SORCS2: variants seen among roughly 807,000 people sequenced by gnomAD.
The protein encoded by SORCS2 is sortilin related VPS10 domain containing receptor 2.
A neutral mutation model predicts 141.6 loss-of-function variants in SORCS2; 100 were observed. That is an observed-to-expected ratio of 0.71 (90% CI 0.60 to 0.83). SORCS2 has a LOEUF of 0.83. Among genes scored for constraint, SORCS2 ranks in the 40% least tolerant of loss-of-function variants. The pLI is 0.00. For missense variants in SORCS2, 1,646 were observed against 1,560.2 expected (o/e 1.05, Z -0.93); for synonymous variants, 789 against 676.9 (o/e 1.17, Z -2.57).
Position 7,477,103 on chromosome 4 carries a change from G to A in SORCS2, c.549-54427G>A, listed in dbSNP as rs140126300. Among the ~76,000 whole-genome samples, 209 of 152,350 alleles carry A rather than the reference G, an allele frequency of 1.4e-3. 2 individuals carry two copies. Among genetic ancestry groups the A allele is most frequent in the African/African-American group, 4.9e-3 (202 of 41,590 alleles). ...CTCAGTGGAGGAGAAACAGCCCACAGGGTTCCACCTGGGCCGTGGGGAGGG... is the reference window on the plus strand; with the variant it reads ...CTCAGTGGAGGAGAAACAGCCCACAAGGTTCCACCTGGGCCGTGGGGAGGG... On this transcript the variant is annotated intron_variant, in intron 2 of 26. Coordinates refer to ENST00000507866, the MANE Select transcript of SORCS2 (RefSeq NM_020777.3).
chr4:7,312,312 A>T (rs1718236750), intron 1 of SORCS2, among the ~76,000 whole-genome samples: 1 of 152,186 alleles, frequency 6.6e-6, no homozygotes, highest in Admixed American at 6.6e-5. Flanking sequence ...TCAAGCACCG[A>T]TCAACCCTCA....
At chr4:7,312,494 C>CG (rs907079673) in intron 1 of SORCS2, among the ~76,000 whole-genome samples, 7 of 152,088 alleles carry the variant, frequency 4.6e-5, no homozygotes, top group Admixed American at 6.5e-5. Flanking sequence ...CCTGGCTCCC[C>CG]CTTCTCTAGT....
chr4:7,591,572 C>T (rs1716915566), intron 3 of SORCS2, among the ~76,000 whole-genome samples: 2 of 152,202 alleles, frequency 1.3e-5, no homozygotes, highest in Non-Finnish European at 2.9e-5. Context: ...CGGGTGGTCA[C>T]GGGGTCAGCC....
At chr4:7,568,475 T>A (rs1327189200) in intron 3 of SORCS2, among the ~76,000 whole-genome samples, 4 of 152,222 alleles carry the variant, frequency 2.6e-5, no homozygotes, top group Non-Finnish European at 5.9e-5. Context: ...CTACATACTC[T>A]CTCCAGACCT....
intron 2 of SORCS2, among the ~76,000 whole-genome samples, chr4:7,475,228 G>A (rs1350174961): frequency 3.9e-5 from 6 of 152,182 alleles, no homozygotes; most frequent in Non-Finnish European, 5.9e-5. Flanking sequence ...TTGGCAGGTG[G>A]AAAGTCCCAG....
rs192714534 is a variant in SORCS2 at position 7,570,009 on chromosome 4, C to T, written c.648+38380C>T. On this transcript the variant is annotated intron_variant, in intron 3 of 26. Transcript: ENST00000507866. Reference sequence around the variant, plus strand: ...AGCTCTCCTGGGCAGGGGACGAGGGCTCCCAGCGTTTTCAAGGGGAGGAGA... The same window carrying T: ...AGCTCTCCTGGGCAGGGGACGAGGGTTCCCAGCGTTTTCAAGGGGAGGAGA... Among the ~76,000 whole-genome samples, 6 of 152,280 alleles carry T rather than the reference C, an allele frequency of 3.9e-5. No individual in the cohort carries two copies. In the East Asian group the frequency reaches 7.7e-4, roughly 20 times the overall value.
chr4:7,228,375 C>A (rs1711568403), intron 1 of SORCS2, among the ~76,000 whole-genome samples: 1 of 152,126 alleles, frequency 6.6e-6, no homozygotes, highest in Admixed American at 6.5e-5. Flanking sequence ...GGACACAGTT[C>A]AACATGTAAC....
intron 3 of SORCS2, among the ~76,000 whole-genome samples, chr4:7,574,612 G>T (rs764908859): frequency 6.6e-6 from 1 of 151,966 alleles, no homozygotes; most frequent in East Asian, 1.9e-4. Context: ...AGGCAAGGAG[G>T]GAGGAAGGAA....
intron 3 of SORCS2, among the ~76,000 whole-genome samples, chr4:7,603,207 A>C (rs1717854438): frequency 1.3e-5 from 2 of 152,172 alleles, no homozygotes; most frequent in Admixed American, 6.5e-5. Flanking sequence ...GGAGAGGGAG[A>C]GCTAAACGTC....
intron 1 of SORCS2, among the ~76,000 whole-genome samples, chr4:7,267,709 T>C (rs1714844134): frequency 6.6e-6 from 1 of 152,236 alleles, no homozygotes; most frequent in African/African-American, 2.4e-5. Flanking sequence ...CAGGTGCCTG[T>C]AATCCCAGCT....
At chr4:7,724,046 C>T (rs978989205) in intron 19 of SORCS2, among the ~76,000 whole-genome samples, 163 bp downstream of exon 19, 6 of 152,118 alleles carry the variant, frequency 3.9e-5, no homozygotes, top group African/African-American at 1.4e-4. Context: ...CAAACCCGCA[C>T]CCCTGATGAC....
At chr4:7,563,018 C>T (rs1232649278) in intron 3 of SORCS2, among the ~76,000 whole-genome samples, 1 of 152,150 alleles carries the variant, frequency 6.6e-6, no homozygotes, top group Non-Finnish European at 1.5e-5. Flanking sequence ...TGTGGAGCAC[C>T]ATTTAACCCA....
At chr4:7,656,942 G>T (rs1246772630) in intron 5 of SORCS2, among the ~76,000 whole-genome samples, 1 of 152,346 alleles carries the variant, frequency 6.6e-6, no homozygotes, top group South Asian at 2.1e-4. Flanking sequence ...AGGGCCGCCT[G>T]CCCCCGGCCA....
chr4:7,719,666 CG>C (rs144744381), intron 18 of SORCS2, among the ~76,000 whole-genome samples: 1,918 of 152,328 alleles, frequency 0.013, 41 homozygotes, highest in African/African-American at 0.043. Context: ...GCCGCTGCCC[CG>C]CCTGTCCCGC....
At chr4:7,626,843 G>T (rs1262949084) in intron 3 of SORCS2, among the ~76,000 whole-genome samples, 1 of 152,108 alleles carries the variant, frequency 6.6e-6, no homozygotes, top group Non-Finnish European at 1.5e-5. Flanking sequence ...ACAGTCCCTG[G>T]TGCTCAGTGC....
At chr4:7,276,235 A>T (rs11936758) in intron 1 of SORCS2, among the ~76,000 whole-genome samples, 59,079 of 151,850 alleles carry the variant, frequency 0.39, 11,742 homozygotes, top group East Asian at 0.52. Context: ...GATCATCCTC[A>T]GGGTGCTGCT....
At chr4:7,457,736 C>G (rs1024233034) in intron 2 of SORCS2, among the ~76,000 whole-genome samples, 2 of 152,252 alleles carry the variant, frequency 1.3e-5, no homozygotes, top group Admixed American at 6.5e-5. Context: ...CTGGTTCACA[C>G]CAGGAACAGC....
chr4:7,251,179 A>C (rs1713486095), intron 1 of SORCS2, among the ~76,000 whole-genome samples: 1 of 152,288 alleles, frequency 6.6e-6, no homozygotes, highest in Non-Finnish European at 1.5e-5. Context: ...TGCATCATGG[A>C]AAGTTTCAAG....
At chr4:7,297,120 T>C (rs896941300) in intron 1 of SORCS2, among the ~76,000 whole-genome samples, 9 of 152,088 alleles carry the variant, frequency 5.9e-5, no homozygotes, top group Non-Finnish European at 1.3e-4. Context: ...TGGATGCCCA[T>C]GGGTTCCCTC....
Sources: gnomAD v4.1 joint callset for allele counts (sites outside exome capture counted in the v4.1 genomes callset) on GRCh38, gnomAD v4.1.1 for gene constraint, MANE v1.5 for transcripts, NCBI Gene and HGNC (gene_info 2026-07-23, HGNC 2026-07-21) for gene names.